Variants in DOK6 observed in about 807,000 individuals in gnomAD.
DOK6 encodes the protein docking protein 6, also known as downstream of tyrosine kinase 6.
Under a neutral mutation model 44.0 loss-of-function variants are expected in DOK6, and 22 were observed. That is an observed-to-expected ratio of 0.50 (90% CI 0.36 to 0.71). The LOEUF (loss-of-function observed/expected upper bound fraction) is 0.71. Among genes scored for constraint, DOK6 ranks in the 30% least tolerant of loss-of-function variants. The pLI is 0.00. For missense variants in DOK6, 340 were observed against 416.4 expected, an observed-to-expected ratio of 0.82 and a Z score of 1.60; for synonymous variants, 166 against 145.5, an observed-to-expected ratio of 1.14 and a Z score of -1.01.
rs1190976217 is a variant in DOK6, at chr18:69,848,801, TTAAAGG to T, written c.*7424_*7429del. On this transcript the variant is annotated 3_prime_UTR_variant, in exon 8 of 8. Coordinates refer to ENST00000382713, the MANE Select transcript of DOK6 (RefSeq NM_152721.6). ...GCACTATTAAAGTTTGCTCCATCACTTAAAGGTAAAGCAGTTCAAAAATACTACTTT... is the reference window on the plus strand; with the variant it reads ...GCACTATTAAAGTTTGCTCCATCACTTAAAGCAGTTCAAAAATACTACTTT... 6.6e-6 allele frequency: 1 copy of T among 152,252 alleles called. No individual in the cohort carries two copies. The highest frequency in any genetic ancestry group is 2.4e-5 in the African/African-American group (1 of 41,468). The allele number at this position is 152,252 out of a possible 1,614,324, so 9.4% of individuals were successfully genotyped here.
At chr18:69,469,013 T>G (rs752593724) in intron 1 of DOK6, among the ~76,000 whole-genome samples, 3 of 152,178 alleles carry the variant, frequency 2.0e-5, no homozygotes, top group Middle Eastern at 3.2e-3. Context: ...GAAAATGATA[T>G]CCTCTCTATC....
Position 69,599,499 on chromosome 18 carries a change from G to T in DOK6, c.289+1G>T. ...TCGAAGACATTTGCCTGTGAGTCAGGTAAGCTATTATTGGCCATCTACCCC... is the reference window on the plus strand; with the variant it reads ...TCGAAGACATTTGCCTGTGAGTCAGTTAAGCTATTATTGGCCATCTACCCC... On this transcript the variant is annotated splice_donor_variant, in intron 3 of 7. Coordinates refer to ENST00000382713, the MANE Select transcript of DOK6 (RefSeq NM_152721.6). LOFTEE classifies it high-confidence loss of function. 1 of 1,612,844 alleles carries T rather than the reference G, an allele frequency of 6.2e-7. No individual in the cohort carries two copies. The highest frequency in any genetic ancestry group is 8.5e-7 in the Non-Finnish European group (1 of 1,179,330).
rs1256757495 is a variant in DOK6, at chr18:69,715,281, C to T, written c.599+16688C>T. Among the ~76,000 whole-genome samples the T allele has an allele frequency of 3.9e-5, 6 of 152,112 alleles. No homozygotes were observed. In the South Asian group the frequency reaches 6.2e-4, roughly 16 times the overall value. Reference sequence around the variant, plus strand: ...TTAATTTAGAATTAAGTGATGATGACGTCCTGGCAAAATGTAAGCACACCA... The same window carrying T: ...TTAATTTAGAATTAAGTGATGATGATGTCCTGGCAAAATGTAAGCACACCA... On this transcript the variant is annotated intron_variant, in intron 5 of 7. Coordinates refer to ENST00000382713, the MANE Select transcript of DOK6 (RefSeq NM_152721.6).
chr18:69,840,209 TTC>T (rs1257208625), intron 7 of DOK6, among the ~76,000 whole-genome samples: 1 of 152,258 alleles, frequency 6.6e-6, no homozygotes, highest in Admixed American at 6.5e-5. Context: ...ACAGATTGTC[TTC>T]TCTGTGTTCC....
At chr18:69,492,716 G>C (rs1980768922) in intron 1 of DOK6, among the ~76,000 whole-genome samples, 1 of 151,218 alleles carries the variant, frequency 6.6e-6, no homozygotes, top group Non-Finnish European at 1.5e-5. Context: ...ACCTCCAACT[G>C]CATTCATGTT....
chr18:69,482,552 C>T lies in DOK6; in HGVS notation c.66+81242C>T, dbSNP rs1479064286. On this transcript the variant is annotated intron_variant, in intron 1 of 7. Coordinates refer to ENST00000382713, the MANE Select transcript of DOK6 (RefSeq NM_152721.6). ...CTCATGACATTATATGCTGGAAAAA[C>T]AATTCTGTTCTAGGCTGAAGCTGCC... Among the ~76,000 whole-genome samples the T allele has an allele frequency of 3.9e-5, 6 of 152,138 alleles. No individual in the cohort carries two copies. In the East Asian group the frequency reaches 9.6e-4, roughly 24 times the overall value.
At chr18:69,826,524 T>C (rs904605333) in intron 7 of DOK6, among the ~76,000 whole-genome samples, 3 of 152,182 alleles carry the variant, frequency 2.0e-5, no homozygotes, top group African/African-American at 7.2e-5. Flanking sequence ...CTAATAAGGG[T>C]TGCTAAACCC....
chr18:69,401,455 G>A, intron 1 of DOK6, 145 bp downstream of exon 1: 2 of 1,015,760 alleles, frequency 2.0e-6, no homozygotes, highest in Non-Finnish European at 2.7e-6. Context: ...TTGTTGCTTG[G>A]CCAGGTGGGG....
At chr18:69,471,037 G>A (rs1980085772) in intron 1 of DOK6, among the ~76,000 whole-genome samples, 1 of 151,678 alleles carries the variant, frequency 6.6e-6, no homozygotes, top group Admixed American at 6.6e-5. Context: ...ATCACCTGAG[G>A]TCGGGAGTTT....
At chr18:69,760,382 G>A (rs561994051) in intron 7 of DOK6, among the ~76,000 whole-genome samples, 1 of 152,128 alleles carries the variant, frequency 6.6e-6, no homozygotes. Flanking sequence ...TGTAATCCCA[G>A]CACTTTGAGA....
chr18:69,439,543 C>T (rs752084811), intron 1 of DOK6, among the ~76,000 whole-genome samples: 3 of 152,160 alleles, frequency 2.0e-5, no homozygotes, highest in Admixed American at 1.3e-4. Flanking sequence ...CTAGATCTTC[C>T]GGATAACTTG....
chr18:69,641,491 C>A (rs986365350), intron 3 of DOK6, among the ~76,000 whole-genome samples: 5 of 152,118 alleles, frequency 3.3e-5, no homozygotes, highest in Admixed American at 3.3e-4. Flanking sequence ...TTCATTAAAT[C>A]TGGAACAGGG....
intron 1 of DOK6, among the ~76,000 whole-genome samples, chr18:69,562,981 G>T (rs1016497814): frequency 3.3e-5 from 5 of 152,178 alleles, no homozygotes; most frequent in Non-Finnish European, 7.3e-5. Context: ...CCATCAAAAA[G>T]TGGGCGAAGG....
intron 1 of DOK6, among the ~76,000 whole-genome samples, chr18:69,478,748 T>G (rs188799991): frequency 3.3e-5 from 5 of 152,324 alleles, no homozygotes; most frequent in Admixed American, 6.5e-5. Context: ...ATTACCATGA[T>G]ACATTTATTA....
intron 1 of DOK6, among the ~76,000 whole-genome samples, chr18:69,423,301 C>CAACG (rs1555700519): frequency 1.3e-5 from 2 of 151,388 alleles, no homozygotes; most frequent in Admixed American, 6.6e-5. Flanking sequence ...GATCCTGTCT[C>CAACG]AACAAACAAA....
chr18:69,648,120 T>G (rs1202069403), intron 3 of DOK6, among the ~76,000 whole-genome samples: 1 of 152,224 alleles, frequency 6.6e-6, no homozygotes, highest in Non-Finnish European at 1.5e-5. Flanking sequence ...ATTTTACTTT[T>G]TGTTTTTTAC....
At chr18:69,643,005 T>C (rs1984981589) in intron 3 of DOK6, among the ~76,000 whole-genome samples, 2 of 152,226 alleles carry the variant, frequency 1.3e-5, no homozygotes, top group Non-Finnish European at 2.9e-5. Context: ...TAGAAAAAAG[T>C]ACATACATGT....
chr18:69,703,422 A>G (rs1986565265), intron 5 of DOK6, among the ~76,000 whole-genome samples: 1 of 152,226 alleles, frequency 6.6e-6, no homozygotes, highest in African/African-American at 2.4e-5. Flanking sequence ...ATGAGCACAT[A>G]GTGTACTTGG....
chr18:69,781,277 T>C (rs1236881659), intron 7 of DOK6: 4 of 152,176 alleles, frequency 2.6e-5, no homozygotes, highest in Non-Finnish European at 4.4e-5. Context: ...TAAGCCTGAC[T>C]GATGTTTTCT....
Sources: gnomAD v4.1 joint callset for allele counts (sites outside exome capture counted in the v4.1 genomes callset) on GRCh38, gnomAD v4.1.1 for gene constraint, MANE v1.5 for transcripts, NCBI Gene and HGNC (gene_info 2026-07-23, HGNC 2026-07-21) for gene names.